TTF1: variants seen among roughly 807,000 people sequenced by gnomAD.
The protein encoded by TTF1 is transcription termination factor 1.
TTF1 carries 64 observed loss-of-function variants against 80.2 expected under a neutral mutation model. The observed-to-expected ratio is 0.80, with a 90% CI of 0.65 to 0.98. TTF1 has a LOEUF of 0.98. Ranked by LOEUF, TTF1 falls within the 50% of genes least tolerant of loss-of-function variation. The pLI, the probability that TTF1 is intolerant of heterozygous loss-of-function variation, is 0.00. For missense variants in TTF1, 1,023 were observed against 1,086.2 expected (o/e 0.94, Z 0.82); for synonymous variants, 372 against 382.7 (o/e 0.97, Z 0.33).
chr9:132,404,347 C>T (rs1053645067), intron 1 of TTF1, among the ~76,000 whole-genome samples: 2 of 152,098 alleles, frequency 1.3e-5, no homozygotes, highest in Non-Finnish European at 2.9e-5. Flanking sequence ...GAATATGTTA[C>T]TCCCCCAAGT....
chr9:132,401,263 G>C (rs756398914), intron 2 of TTF1, among the ~76,000 whole-genome samples, 192 bp downstream of exon 2: 37 of 151,758 alleles, frequency 2.4e-4, no homozygotes, highest in Non-Finnish European at 8.8e-5. Context: ...GAAGTGGAGG[G>C]TGCGGTAAGC....
Position 132,376,148 on chromosome 9 carries a change from C to G in TTF1, c.2485G>C (p.Glu829Gln). The G allele has an allele frequency of 6.2e-7, 1 of 1,613,150 alleles. No individual in the cohort carries two copies. Among genetic ancestry groups the G allele is most frequent in the Non-Finnish European group, 8.5e-7 (1 of 1,179,910 alleles). The change falls in exon 11 of 11, where the codon GAG (glutamate) becomes CAG (glutamine). Residue 829 changes from glutamate to glutamine, a missense_variant. Glu to Gln is a conservative substitution (Grantham distance 29). Transcript: ENST00000334270. ...TCCTTCAGCAAAGGTAGAGTCGTCTCATAAAGGTAGTCGATGATCTCTACA... is the reference window on the plus strand; with the variant it reads ...TCCTTCAGCAAAGGTAGAGTCGTCTGATAAAGGTAGTCGATGATCTCTACA... ...TFPEIIDYLYETTLPLLKEKL... is the reference protein window; with the variant it reads ...TFPEIIDYLYQTTLPLLKEKL...
Position 132,396,531 on chromosome 9 carries a change from G to T in TTF1, c.1778-20C>A. 6.2e-7 allele frequency: 1 copy of T among 1,607,376 alleles called. No homozygotes were observed. Among genetic ancestry groups the T allele is most frequent in the Non-Finnish European group, 8.5e-7 (1 of 1,173,860 alleles). ...TCCTACCTAAAGTCAGAAGAAAGGT[G>T]ATCAGAGGGACTCACATGAAATGAA... On this transcript the variant is annotated intron_variant, in intron 4 of 10. Transcript: ENST00000334270.
intron 3 of TTF1, 88 bp from the exon 4 acceptor site, chr9:132,398,414 A>G (rs1849697211): frequency 2.9e-6 from 4 of 1,371,598 alleles, no homozygotes; most frequent in South Asian, 1.3e-5. Flanking sequence ...CAGCAATGAC[A>G]GTACCTCGGC....
intron 6 of TTF1, among the ~76,000 whole-genome samples, chr9:132,391,474 C>CA (rs1341168568): frequency 6.7e-6 from 1 of 149,120 alleles, no homozygotes; most frequent in Non-Finnish European, 1.5e-5. Flanking sequence ...AAGAGATTTC[C>CA]AAAAAAGAAA....
At chr9:132,393,658 C>G (rs2131639055) in intron 5 of TTF1, among the ~76,000 whole-genome samples, 1 of 152,328 alleles carries the variant, frequency 6.6e-6, no homozygotes, top group South Asian at 2.1e-4. Flanking sequence ...CCCCTGACTT[C>G]CCACTTCACA....
intron 3 of TTF1, 141 bp downstream of exon 3, chr9:132,399,894 C>T (rs1291963523): frequency 1.1e-6 from 1 of 911,398 alleles, no homozygotes; most frequent in African/African-American, 1.7e-5. Flanking sequence ...ACAGCTTGGA[C>T]AATTCTGGTA....
chr9:132,383,253 A>C (rs78132249), intron 9 of TTF1, among the ~76,000 whole-genome samples: 4 of 45,308 alleles, frequency 8.8e-5, no homozygotes, highest in Admixed American at 8.0e-4. Flanking sequence ...TTGTCTTCAA[A>C]AAAAAAAAAA....
chr9:132,386,724 G>C (rs1249283378), intron 8 of TTF1, 103 bp from the exon 9 acceptor site: 6 of 911,808 alleles, frequency 6.6e-6, no homozygotes, highest in Middle Eastern at 2.2e-4. Context: ...GTGCGCTTTC[G>C]CCGCATTCCA....
chr9:132,403,661 C>T (rs1849809264), intron 1 of TTF1, among the ~76,000 whole-genome samples: 1 of 148,252 alleles, frequency 6.7e-6, no homozygotes, highest in South Asian at 2.2e-4. Context: ...AGGCTGTCTT[C>T]TCTGCTTTAA....
At chr9:132,400,760 T>C (rs1021503473) in intron 2 of TTF1, among the ~76,000 whole-genome samples, 1 of 152,236 alleles carries the variant, frequency 6.6e-6, no homozygotes, top group African/African-American at 2.4e-5. Context: ...AGAGGGAGCC[T>C]AGAAGCTAAA....
intron 10 of TTF1, among the ~76,000 whole-genome samples, chr9:132,377,944 TGTG>T (rs1849259225): frequency 8.4e-6 from 1 of 119,168 alleles, no homozygotes; most frequent in African/African-American, 3.4e-5. Flanking sequence ...TGTGAATGCA[TGTG>T]GTGTGAGTGC....
intron 3 of TTF1, 24 bp downstream of exon 3, chr9:132,399,995 TACAGGAAGTTCAACAA>T: frequency 1.2e-6 from 2 of 1,604,422 alleles, no homozygotes; most frequent in Non-Finnish European, 8.5e-7. Context: ...TAGCTCTGCA[TACAGGAAGTTCAACAA>T]ACACTAAGGC....
chr9:132,398,772 G>C (rs1185637002), intron 3 of TTF1, among the ~76,000 whole-genome samples: 3 of 151,818 alleles, frequency 2.0e-5, no homozygotes, highest in Non-Finnish European at 2.9e-5. Flanking sequence ...TTTATTTTTT[G>C]TAAGACGGGG....
Position 132,392,220 on chromosome 9 carries a change from A to G in TTF1, c.1857-14T>C. On this transcript the variant is annotated splice_polypyrimidine_tract_variant and intron_variant, in intron 5 of 10. Transcript: ENST00000334270. ...CCTTCGCTATACCTAGGAGAAAGGG[A>G]AAATGTTTTACAAGTTTAAACGAAC... 1 of 1,613,688 alleles carries G rather than the reference A, an allele frequency of 6.2e-7. No individual in the cohort carries two copies. The highest frequency in any genetic ancestry group is 8.5e-7 in the Non-Finnish European group (1 of 1,179,750).
intron 4 of TTF1, 54 bp from the exon 5 acceptor site, chr9:132,396,565 T>C: frequency 6.6e-7 from 1 of 1,508,120 alleles, no homozygotes; most frequent in Non-Finnish European, 9.2e-7. Context: ...AAGTCGCAAT[T>C]GTAAAAGGAA....
intron 6 of TTF1, among the ~76,000 whole-genome samples, chr9:132,391,172 A>T (rs950535597): frequency 6.6e-6 from 1 of 152,232 alleles, no homozygotes; most frequent in African/African-American, 2.4e-5. Context: ...AGCCAGCCAA[A>T]TGGCTTTTAT....
At position 132,376,026 on chromosome 9, in the gene TTF1, T is replaced by C. The variant is rs777073589; in HGVS notation, c.2607A>G (p.Glu869=). The C allele has an allele frequency of 6.2e-7, 1 of 1,614,116 alleles. No individual in the cohort carries two copies. The highest frequency in any genetic ancestry group is 1.3e-5 in the African/African-American group (1 of 74,940). ...VFPFRDIFYY[E]DDSEGEDIEK... is the part of the protein sequence containing the mutation. ...CTATGTCCTCTCCTTCACTATCGTCTTCATAATAAAAGATGTCTCGAAATG... is the reference window on the plus strand; with the variant it reads ...CTATGTCCTCTCCTTCACTATCGTCCTCATAATAAAAGATGTCTCGAAATG... The change falls in exon 11 of 11, where the codon GAA becomes GAG. Residue 869 remains glutamate (E), a synonymous_variant. Coordinates refer to ENST00000334270, the MANE Select transcript of TTF1 (RefSeq NM_007344.4).
In TTF1 at chr9:132,390,797, G is replaced by T; in HGVS notation, c.2022C>A (p.Thr674=). 1 of 1,613,992 alleles carries T rather than the reference G, an allele frequency of 6.2e-7. No individual in the cohort carries two copies. The highest frequency in any genetic ancestry group is 1.7e-5 in the Admixed American group (1 of 59,994). The change falls in exon 7 of 11, where the codon ACC becomes ACA. Residue 674 remains threonine (T), a synonymous_variant. Coordinates refer to ENST00000334270, the MANE Select transcript of TTF1 (RefSeq NM_007344.4). The part of the protein sequence containing the change: ...RNRGAWSKSE[T]RKLIKAVEEV... ...CTTCGACAGCCTTGATTAGTTTCCG[G>T]GTTTCAGACTTACTCCAAGCACCAC... is the stretch of plus-strand genomic sequence containing the variant.
Sources: allele counts gnomAD v4.1 joint callset (sites outside exome capture counted in the v4.1 genomes callset), GRCh38; gene constraint gnomAD v4.1.1; transcripts MANE v1.5; gene names NCBI Gene and HGNC (gene_info 2026-07-23, HGNC 2026-07-21).